Variants in UST observed in about 807,000 individuals in gnomAD.
The protein encoded by UST is uronyl 2-sulfotransferase.
Under a neutral mutation model 45.6 loss-of-function variants are expected in UST, and 21 were observed. That is an observed-to-expected ratio of 0.46 (90% CI 0.33 to 0.66). UST has a LOEUF of 0.66. Among genes scored for constraint, UST ranks in the 30% least tolerant of loss-of-function variants. The pLI is 0.02. For missense variants in UST, 463 were observed against 512.4 expected (o/e 0.90, Z 0.93); for synonymous variants, 215 against 200.6 (o/e 1.07, Z -0.61).
chr6:149,038,763 A>G (rs1422677873), intron 7 of UST, among the ~76,000 whole-genome samples: 1 of 152,192 alleles, frequency 6.6e-6, no homozygotes, highest in East Asian at 1.9e-4. Flanking sequence ...AGAGCCTTCA[A>G]AGATGAACAC....
In UST at chr6:148,790,767, G is replaced by A. The variant is rs1378062088; in HGVS notation, c.247+43090G>A. 6.6e-6 allele frequency among the ~76,000 whole-genome samples: 1 copy of A among 152,180 alleles called. No homozygotes were observed. The highest frequency in any genetic ancestry group is 2.4e-5 in the African/African-American group (1 of 41,434). ...GCCTGGTTGATGTGGGGATACAAAG[G>A]TCTGATCCCCTTGCGTCAATCTGGG... On this transcript the variant is annotated intron_variant, in intron 1 of 7. Transcript: ENST00000367463. This position sits in a 1 kb window ranked among gnomAD's most constrained non-coding sequence, Gnocchi z 4.2.
rs145221362 is a variant in UST, at chr6:148,784,992, C to T, written c.247+37315C>T. 5.7e-3 allele frequency among the ~76,000 whole-genome samples: 874 copies of T among 152,264 alleles called. 8 individuals carry two copies. Among genetic ancestry groups the T allele is most frequent in the African/African-American group, 0.02 (816 of 41,570 alleles). ...TGGGAGGCTGAGGCAGCCGGATTGC[C>T]TGAGCTCAGGAGTTGCAACCAGTCT... On this transcript the variant is annotated intron_variant, in intron 1 of 7. Coordinates refer to ENST00000367463, the MANE Select transcript of UST (RefSeq NM_005715.3).
chr6:149,041,549 C>T (rs1174414150), intron 7 of UST, among the ~76,000 whole-genome samples: 1 of 152,256 alleles, frequency 6.6e-6, no homozygotes, highest in Non-Finnish European at 1.5e-5. Context: ...CCCCTGCACA[C>T]CAGGCCTTCA....
At chr6:148,811,100 G>T (rs151337788) in intron 1 of UST, among the ~76,000 whole-genome samples, 1 of 152,132 alleles carries the variant, frequency 6.6e-6, no homozygotes, top group African/African-American at 2.4e-5. Context: ...AACCACCAAA[G>T]CCCACTGGCA....
At chr6:148,850,458 CA>C (rs1778082539) in intron 1 of UST, among the ~76,000 whole-genome samples, 1 of 152,170 alleles carries the variant, frequency 6.6e-6, no homozygotes, top group South Asian at 2.1e-4. Context: ...ATCAAAAAAG[CA>C]CGCTTGCTCC....
At chr6:149,042,370 C>G (rs1776326269) in intron 7 of UST, among the ~76,000 whole-genome samples, 1 of 152,190 alleles carries the variant, frequency 6.6e-6, no homozygotes, top group Non-Finnish European at 1.5e-5. Flanking sequence ...GGTTCATTAT[C>G]TCACATCTTT....
At chr6:148,770,598 AG>A (rs1221788426) in intron 1 of UST, among the ~76,000 whole-genome samples, 1 of 152,184 alleles carries the variant, frequency 6.6e-6, no homozygotes, top group Non-Finnish European at 1.5e-5. Flanking sequence ...ATAAACAGAA[AG>A]GAAGAGCTGA....
intron 5 of UST, among the ~76,000 whole-genome samples, chr6:148,969,978 G>T (rs910796509): frequency 6.6e-6 from 1 of 152,204 alleles, no homozygotes; most frequent in Non-Finnish European, 1.5e-5. Flanking sequence ...CCTCTCCGAG[G>T]AGTAACGAGA....
chr6:148,875,224 A>G (rs550563339), intron 1 of UST, among the ~76,000 whole-genome samples: 5 of 152,358 alleles, frequency 3.3e-5, no homozygotes, highest in Middle Eastern at 3.4e-3. Context: ...TGTATTCTTC[A>G]GAGACCAATT....
intron 7 of UST, among the ~76,000 whole-genome samples, chr6:149,033,962 A>G (rs921126869): frequency 6.6e-6 from 1 of 152,166 alleles, no homozygotes; most frequent in Admixed American, 6.5e-5. Flanking sequence ...GTTTCTTCGG[A>G]TAATCACCGC....
chr6:148,850,260 G>C (rs979908280), intron 1 of UST, among the ~76,000 whole-genome samples: 6 of 152,152 alleles, frequency 3.9e-5, no homozygotes, highest in African/African-American at 1.4e-4. Flanking sequence ...AGCAGCCCAC[G>C]GTGGAGCCAG....
chr6:149,038,218 A>G (rs956995420), intron 7 of UST, among the ~76,000 whole-genome samples: 7 of 151,746 alleles, frequency 4.6e-5, no homozygotes, highest in Non-Finnish European at 1.0e-4. Context: ...ACGTTACCCA[A>G]GAATTGAGAC....
At chr6:148,920,052 C>T in intron 2 of UST, among the ~76,000 whole-genome samples, 1 of 152,020 alleles carries the variant, frequency 6.6e-6, no homozygotes, top group East Asian at 1.9e-4. Flanking sequence ...TATTTATAGA[C>T]AGAGTAGAAG....
At chr6:149,067,655 C>T (rs1009044611) in intron 7 of UST, among the ~76,000 whole-genome samples, 4 of 152,040 alleles carry the variant, frequency 2.6e-5, no homozygotes, top group Non-Finnish European at 5.9e-5. Context: ...GGAAAGGCTA[C>T]CTGGGATCTT....
intron 7 of UST, among the ~76,000 whole-genome samples, chr6:149,048,484 C>T (rs150698146): frequency 5.3e-5 from 8 of 150,042 alleles, no homozygotes; most frequent in South Asian, 2.1e-4. Flanking sequence ...TGTAGTGAGC[C>T]GAGATGGGGC....
chr6:148,836,135 C>T (rs1044104649), intron 1 of UST, among the ~76,000 whole-genome samples: 1 of 152,084 alleles, frequency 6.6e-6, no homozygotes. Context: ...CAAACCCACA[C>T]GGGAGGGTTG....
intron 2 of UST, among the ~76,000 whole-genome samples, chr6:148,897,507 TTAG>T (rs1360905446): frequency 6.6e-6 from 1 of 151,578 alleles, no homozygotes; most frequent in African/African-American, 2.4e-5. Context: ...ATTTTTTTTT[TTAG>T]AGACACAGTC....
chr6:149,003,896 G>A (rs1340611481), intron 5 of UST, among the ~76,000 whole-genome samples: 1 of 152,178 alleles, frequency 6.6e-6, no homozygotes. Flanking sequence ...TAGACGTGCA[G>A]GGCCTCTATT....
At chr6:148,833,728 A>G (rs1301933085) in intron 1 of UST, among the ~76,000 whole-genome samples, 1 of 152,206 alleles carries the variant, frequency 6.6e-6, no homozygotes, top group African/African-American at 2.4e-5. Flanking sequence ...AGAGTTGTTC[A>G]CTGTCTAGAT....
Sources: allele counts gnomAD v4.1 joint callset (sites outside exome capture counted in the v4.1 genomes callset), GRCh38; gene constraint gnomAD v4.1.1; non-coding constraint Gnocchi (gnomAD v3.1); transcripts MANE v1.5; gene names NCBI Gene and HGNC (gene_info 2026-07-23, HGNC 2026-07-21).